INPP5A: variants seen among roughly 807,000 people sequenced by gnomAD.
INPP5A encodes the protein 43 kDa inositol polyphosphate 5-phophatase.
A neutral mutation model predicts 65.2 loss-of-function variants in INPP5A; 14 were observed. That is an observed-to-expected ratio of 0.21 (90% CI 0.14 to 0.34). The LOEUF is 0.34. Ranked by LOEUF, INPP5A falls within the 10% of genes least tolerant of loss-of-function variation. INPP5A has a pLI of 1.00. For missense variants in INPP5A, 431 were observed against 545.6 expected (o/e 0.79, Z 2.09); for synonymous variants, 207 against 208.3 (o/e 0.99, Z 0.05).
In INPP5A at chr10:132,663,227, CTTATT is replaced by C. The variant is rs2072759263; in HGVS notation, c.306+12730_306+12734del. On this transcript the variant is annotated intron_variant, in intron 4 of 15. Coordinates refer to ENST00000368594, the MANE Select transcript of INPP5A (RefSeq NM_005539.5). This position sits in a 1 kb window ranked among gnomAD's most constrained non-coding sequence, Gnocchi z 4.5. ...TGAAAAGACTTTCTTCTCGTTAAAT[CTTATT>C]TTATTTTGACACAGGATGTCACTCT... Among the ~76,000 whole-genome samples the C allele has an allele frequency of 6.6e-6, 1 of 152,162 alleles. No homozygotes were observed. Among genetic ancestry groups the C allele is most frequent in the Non-Finnish European group, 1.5e-5 (1 of 68,026 alleles).
At chr10:132,563,337 T>C (rs2071229416) in intron 1 of INPP5A, among the ~76,000 whole-genome samples, 4 of 151,978 alleles carry the variant, frequency 2.6e-5, no homozygotes, top group Admixed American at 2.6e-4. Context: ...TGCTCTGGGG[T>C]GTGGATAGCA....
At chr10:132,693,031 A>ACC (rs2134490749) in intron 5 of INPP5A, among the ~76,000 whole-genome samples, 1 of 152,350 alleles carries the variant, frequency 6.6e-6, no homozygotes, top group East Asian at 1.9e-4. Context: ...AGGAGGGAGG[A>ACC]ATTTGGGGTA....
Position 132,647,579 on chromosome 10 carries a change from C to T in INPP5A, c.218+1611C>T, listed in dbSNP as rs141857903. On this transcript the variant is annotated intron_variant, in intron 3 of 15. Transcript: ENST00000368594. ...CCCAGCTCGACCCCAAGGCTCATTC[C>T]GAAGAAGCAGTGGGGCAGGTGGCAT... 5.4e-3 allele frequency among the ~76,000 whole-genome samples: 819 copies of T among 152,298 alleles called. 7 individuals carry two copies. The highest frequency in any genetic ancestry group is 0.018 in the African/African-American group (764 of 41,548).
chr10:132,646,641 A>G (rs913346120), intron 3 of INPP5A, among the ~76,000 whole-genome samples: 2 of 152,126 alleles, frequency 1.3e-5, no homozygotes, highest in Admixed American at 1.3e-4. Context: ...TGGCCTTGGC[A>G]CATTCCCATG....
At chr10:132,552,468 ATG>A in intron 1 of INPP5A, among the ~76,000 whole-genome samples, 1 of 131,708 alleles carries the variant, frequency 7.6e-6, no homozygotes, top group African/African-American at 2.9e-5. Context: ...GGATTGGTGA[ATG>A]CCTTCTCAGA....
At chr10:132,590,803 A>T (rs2071610949) in intron 1 of INPP5A, among the ~76,000 whole-genome samples, 1 of 151,974 alleles carries the variant, frequency 6.6e-6, no homozygotes, top group Admixed American at 6.5e-5. Flanking sequence ...AGTCTAGCCC[A>T]CTTGTCTTTA....
intron 2 of INPP5A, among the ~76,000 whole-genome samples, chr10:132,642,724 G>C (rs1472769789): frequency 6.6e-6 from 1 of 152,170 alleles, no homozygotes; most frequent in Non-Finnish European, 1.5e-5. Context: ...CTTTAAATTA[G>C]TGGGACCGTT....
At chr10:132,725,351 C>T (rs994916384) in intron 8 of INPP5A, among the ~76,000 whole-genome samples, 1 of 152,210 alleles carries the variant, frequency 6.6e-6, no homozygotes, top group African/African-American at 2.4e-5. Flanking sequence ...CTGGACAGTG[C>T]AGAGCGGGTC....
At chr10:132,548,464 G>A (rs929206789) in intron 1 of INPP5A, among the ~76,000 whole-genome samples, 1 of 152,200 alleles carries the variant, frequency 6.6e-6, no homozygotes, top group East Asian at 1.9e-4. Context: ...GTTGGCTTTT[G>A]TGTTTGCGCG....
At chr10:132,566,319 G>T (rs2071274425) in intron 1 of INPP5A, among the ~76,000 whole-genome samples, 1 of 152,156 alleles carries the variant, frequency 6.6e-6, no homozygotes, top group South Asian at 2.1e-4. Flanking sequence ...TTCCAGAGTG[G>T]ATTCTACCAA....
At chr10:132,752,489 T>C (rs1208356941) in intron 11 of INPP5A, among the ~76,000 whole-genome samples, 2 of 51,940 alleles carry the variant, frequency 3.9e-5, no homozygotes, top group Non-Finnish European at 7.8e-5. Flanking sequence ...GGGTGCAGAG[T>C]GGAAGGGGTG....
intron 1 of INPP5A, among the ~76,000 whole-genome samples, chr10:132,573,778 G>A (rs1337266433): frequency 2.3e-5 from 3 of 129,916 alleles, no homozygotes; most frequent in African/African-American, 6.2e-5. Context: ...TGTGTGTGCC[G>A]TGTGAGGTTT....
At chr10:132,671,960 C>G (rs1228475234) in intron 4 of INPP5A, among the ~76,000 whole-genome samples, 1 of 152,122 alleles carries the variant, frequency 6.6e-6, no homozygotes, top group East Asian at 1.9e-4. Flanking sequence ...GGGTGGTGCT[C>G]AGGGTGGACA....
At position 132,738,394 on chromosome 10, in the gene INPP5A, G is replaced by A. The variant is rs535549421; in HGVS notation, c.733-11123G>A. On this transcript the variant is annotated intron_variant, in intron 9 of 15. Coordinates refer to ENST00000368594, the MANE Select transcript of INPP5A (RefSeq NM_005539.5). The stretch of plus-strand genomic sequence containing the variant: ...GGACGAGGGCTGAGCTCTGTGTCCT[G>A]CGTCCCCCTCCCTTTGCCACATCCC... 5.3e-5 allele frequency among the ~76,000 whole-genome samples: 8 copies of A among 152,326 alleles called. No individual in the cohort carries two copies. In the South Asian group the frequency reaches 1.7e-3, roughly 32 times the overall value.
intron 2 of INPP5A, among the ~76,000 whole-genome samples, chr10:132,628,038 C>G (rs543156578): frequency 6.6e-6 from 1 of 152,186 alleles, no homozygotes; most frequent in Non-Finnish European, 1.5e-5. Flanking sequence ...TCAGCAGCTG[C>G]GGATCTACTC....
chr10:132,596,947 G>GCA (rs1455660294), intron 1 of INPP5A, among the ~76,000 whole-genome samples: 1 of 134,894 alleles, frequency 7.4e-6, no homozygotes, highest in African/African-American at 3.1e-5. Context: ...ATGTGTGCGT[G>GCA]TGTGCACACA....
intron 4 of INPP5A, among the ~76,000 whole-genome samples, chr10:132,687,667 G>A (rs1252521118): frequency 6.6e-6 from 1 of 152,252 alleles, no homozygotes; most frequent in African/African-American, 2.4e-5. Flanking sequence ...TGCAGGGCTG[G>A]GAGGCCCATG....
chr10:132,714,463 G>A (rs577504116), intron 8 of INPP5A, among the ~76,000 whole-genome samples: 2 of 152,338 alleles, frequency 1.3e-5, no homozygotes, highest in African/African-American at 2.4e-5. Flanking sequence ...CATTCACGGC[G>A]TTGGGAACCG....
chr10:132,563,018 G>T lies in INPP5A; in HGVS notation c.75+24847G>T, dbSNP rs535031846. Among the ~76,000 whole-genome samples the T allele has an allele frequency of 1.7e-4, 26 of 152,330 alleles. 1 individual carries two copies. In the East Asian group the frequency reaches 5.0e-3, roughly 29 times the overall value. On this transcript the variant is annotated intron_variant, in intron 1 of 15. Coordinates refer to ENST00000368594, the MANE Select transcript of INPP5A (RefSeq NM_005539.5). ...GTTGTGGGGAGGGCGCGGGGAGGAG[G>T]TGCCCTCATGGGCCAGAACTGGCAG...
Sources: allele counts gnomAD v4.1 joint callset (sites outside exome capture counted in the v4.1 genomes callset), GRCh38; gene constraint gnomAD v4.1.1; non-coding constraint Gnocchi (gnomAD v3.1); transcripts MANE v1.5; gene names NCBI Gene and HGNC (gene_info 2026-07-23, HGNC 2026-07-21).